LACTB2: variants seen among roughly 807,000 people sequenced by gnomAD.
LACTB2 encodes endoribonuclease LACTB2.
A neutral mutation model predicts 34.8 loss-of-function variants in LACTB2; 32 were observed. That is an observed-to-expected ratio of 0.92 (90% CI 0.69 to 1.24). The LOEUF (loss-of-function observed/expected upper bound fraction) is 1.24, where lower values mean the gene tolerates loss of function less well. Ranked by LOEUF, LACTB2 falls within the 50% of genes most tolerant of loss-of-function variation. The pLI is 0.00. For synonymous variants in LACTB2, 120 were observed against 117.5 expected, an observed-to-expected ratio of 1.02 and a Z score of -0.14; for missense variants, 320 against 345.0, an observed-to-expected ratio of 0.93 and a Z score of 0.57.
At chr8:70,664,102 A>G (rs1176461097) in intron 1 of LACTB2, among the ~76,000 whole-genome samples, 1 of 152,106 alleles carries the variant, frequency 6.6e-6, no homozygotes, top group Non-Finnish European at 1.5e-5. Flanking sequence ...ATTTACCACA[A>G]ATTCTCACTG....
chr8:70,657,941 G>C (rs560715868), intron 2 of LACTB2, 59 bp from the exon 3 acceptor site: 1 of 1,169,368 alleles, frequency 8.6e-7, no homozygotes, highest in South Asian at 1.7e-5. Flanking sequence ...CCTTTTAAGA[G>C]ATCAACTTTC....
chr8:70,642,475 C>G (rs1290781631), intron 4 of LACTB2, among the ~76,000 whole-genome samples: 1 of 145,460 alleles, frequency 6.9e-6, no homozygotes, highest in Non-Finnish European at 1.5e-5. Context: ...CCTTTTGGGC[C>G]TTTTTATTGG....
intron 3 of LACTB2, among the ~76,000 whole-genome samples, chr8:70,657,047 C>T (rs1818419825): frequency 6.6e-6 from 1 of 152,032 alleles, no homozygotes; most frequent in Non-Finnish European, 1.5e-5. Flanking sequence ...TTCAGTTTTA[C>T]AATAACTGAG....
intron 1 of LACTB2, among the ~76,000 whole-genome samples, chr8:70,663,834 T>C (rs1818508688): frequency 1.3e-5 from 2 of 152,206 alleles, no homozygotes; most frequent in South Asian, 4.1e-4. Flanking sequence ...TATTTACATA[T>C]TTATTTTTTT....
intron 5 of LACTB2, among the ~76,000 whole-genome samples, 181 bp from the exon 6 acceptor site, chr8:70,638,810 G>T (rs1212471175): frequency 6.6e-6 from 1 of 151,408 alleles, no homozygotes; most frequent in Non-Finnish European, 1.5e-5. Flanking sequence ...GTGCATCTCG[G>T]CTCACTGCAA....
intron 6 of LACTB2, 107 bp from the exon 7 acceptor site, chr8:70,638,010 TG>T: frequency 6.9e-6 from 4 of 581,936 alleles, no homozygotes; most frequent in Non-Finnish European, 1.1e-5. Flanking sequence ...AAAATAATTT[TG>T]TTGCTCAATA....
intron 4 of LACTB2, among the ~76,000 whole-genome samples, chr8:70,642,504 C>CTTTTT (rs35951740): frequency 7.7e-6 from 1 of 130,334 alleles, no homozygotes; most frequent in African/African-American, 2.9e-5. Context: ...TCTTTCTTAG[C>CTTTTT]TTTTTTTTTT....
chr8:70,638,339 C>A (rs1486706019), intron 6 of LACTB2, among the ~76,000 whole-genome samples: 2 of 152,158 alleles, frequency 1.3e-5, no homozygotes, highest in Admixed American at 1.3e-4. Context: ...GGAATTCCAA[C>A]TGAGATTCTA....
At position 70,640,957 on chromosome 8, in the gene LACTB2, C is replaced by G; in HGVS notation, c.686G>C (p.Arg229Pro). The change falls in exon 5 of 7, where the codon CGT becomes CCT. Residue 229 changes from arginine to proline, a missense_variant. Physicochemically the swap from Arg to Pro is moderately radical, Grantham distance 103. Coordinates refer to ENST00000276590, the MANE Select transcript of LACTB2 (RefSeq NM_016027.3). ...TGTAAATGATTTCTCAAAGTTCTCACGAAATAATGTAAGAATTTGCTGCTC... is the reference window on the plus strand; with the variant it reads ...TGTAAATGATTTCTCAAAGTTCTCAGGAAATAATGTAAGAATTTGCTGCTC... Reference protein sequence around the residue: ...IREQQILTLFRENFEKSFTVM... With the variant: ...IREQQILTLFPENFEKSFTVM... 6.2e-7 allele frequency: 1 copy of G among 1,607,788 alleles called. No individual in the cohort carries two copies.
chr8:70,661,936 C>G (rs745968940), intron 1 of LACTB2, 39 bp from the exon 2 acceptor site: 1 of 1,520,218 alleles, frequency 6.6e-7, no homozygotes, highest in Non-Finnish European at 8.9e-7. Flanking sequence ...AATTGGAACA[C>G]TGCGTTGACA....
chr8:70,660,286 G>T, intron 2 of LACTB2: 1 of 284,310 alleles, frequency 3.5e-6, no homozygotes, highest in Non-Finnish European at 6.8e-6. Context: ...AGATTTAATA[G>T]GTAGATTAAA....
chr8:70,650,884 G>C (rs1391490705), intron 3 of LACTB2, among the ~76,000 whole-genome samples: 1 of 151,244 alleles, frequency 6.6e-6, no homozygotes, highest in African/African-American at 2.4e-5. Flanking sequence ...AAAGCACATT[G>C]AAAGATCATG....
chr8:70,641,203 T>C (rs383683), intron 4 of LACTB2, among the ~76,000 whole-genome samples, 153 bp from the exon 5 acceptor site: 50,113 of 151,972 alleles, frequency 0.33, 8,694 homozygotes, highest in East Asian at 0.64. Context: ...GCTATACAGG[T>C]GAAAGAGATT....
In LACTB2 at chr8:70,669,130, A is replaced by G; in HGVS notation, c.-10T>C. 1 of 1,608,534 alleles carries G rather than the reference A, an allele frequency of 6.2e-7. No individual in the cohort carries two copies. The highest frequency in any genetic ancestry group is 1.1e-5 in the South Asian group (1 of 90,614). On this transcript the variant is annotated 5_prime_UTR_variant, in exon 1 of 7. Coordinates refer to ENST00000276590, the MANE Select transcript of LACTB2 (RefSeq NM_016027.3). ...GCAGTACAGCAGCCATTCCCGCCTC[A>G]GCCGCCCGCCGGCGTGTCGCCTATC...
Position 70,641,033 on chromosome 8 carries a change from G to T in LACTB2, c.610C>A (p.His204Asn). 6.2e-7 allele frequency: 1 copy of T among 1,601,908 alleles called. No homozygotes were observed. Among genetic ancestry groups the T allele is most frequent in the South Asian group, 1.1e-5 (1 of 87,572 alleles). The stretch of plus-strand genomic sequence containing the variant: ...TGTTGAATTTTAGCTTCAGCATTAT[G>T]AATTACTGGGCCATGTCCTGAATTA... ...IIYPGHGPVI[H>N]NAEAKIQQYI... is the part of the protein sequence containing the mutation. The change falls in exon 5 of 7, where the codon CAT becomes AAT. Residue 204 changes from histidine to asparagine, a missense_variant. Coordinates refer to ENST00000276590, the MANE Select transcript of LACTB2 (RefSeq NM_016027.3).
chr8:70,662,042 T>C, intron 1 of LACTB2, 145 bp from the exon 2 acceptor site: 1 of 625,454 alleles, frequency 1.6e-6, no homozygotes, highest in Non-Finnish European at 2.6e-6. Context: ...TCACTTCAGC[T>C]TAACTACAGT....
rs955922689 is a variant in LACTB2, at chr8:70,665,288, C to G, written c.123-3391G>C. ...GGATGAATCTGTATAGGTCTATGAA[C>G]GATTTATTCACTAGAGCAAAGTGCC... On this transcript the variant is annotated intron_variant, in intron 1 of 6. Transcript: ENST00000276590. Among the ~76,000 whole-genome samples the G allele has an allele frequency of 2.6e-5, 4 of 152,084 alleles. No individual in the cohort carries two copies. In the East Asian group the frequency reaches 5.8e-4, roughly 22 times the overall value.
chr8:70,657,760 G>C lies in LACTB2; in HGVS notation c.409C>G (p.Leu137Val), dbSNP rs1818429368. The change falls in exon 3 of 7, where the codon CTA becomes GTA. Residue 137 changes from leucine to valine, a missense_variant. Leu to Val is a conservative substitution (Grantham distance 32). Coordinates refer to ENST00000276590, the MANE Select transcript of LACTB2 (RefSeq NM_016027.3). ...GGCTAAGGGACATTTACTTACCTTAGAGTGGCTCCCTCAGTCTTAATCACA... is the reference window on the plus strand; with the variant it reads ...GGCTAAGGGACATTTACTTACCTTACAGTGGCTCCCTCAGTCTTAATCACA... ...GDVIKTEGATLRVLYTPGHTD... is the reference protein window; with the variant it reads ...GDVIKTEGATVRVLYTPGHTD... 6.2e-7 allele frequency: 1 copy of C among 1,611,370 alleles called. No homozygotes were observed.
At chr8:70,662,118 T>C (rs564668668) in intron 1 of LACTB2, 67 of 394,522 alleles carry the variant, frequency 1.7e-4, no homozygotes, top group African/African-American at 1.2e-3. Flanking sequence ...CAAGGAATAA[T>C]AGCAGTCATC....
Sources: allele counts gnomAD v4.1 joint callset (sites outside exome capture counted in the v4.1 genomes callset), GRCh38; gene constraint gnomAD v4.1.1; transcripts MANE v1.5; gene names NCBI Gene and HGNC (gene_info 2026-07-23, HGNC 2026-07-21).